The following LYNX1 variants were observed in gnomAD, a reference collection of about 807,000 sequenced individuals.
LYNX1 encodes ly-6/neurotoxin-like protein 1.
In LYNX1, 8 loss-of-function variants were observed where a neutral mutation model predicts 8.3. The observed-to-expected ratio is 0.97, with a 90% CI of 0.57 to 1.74. The LOEUF (loss-of-function observed/expected upper bound fraction) is 1.74. LYNX1 is among the 40% of genes most tolerant of loss of function. The probability of loss-of-function intolerance (pLI) is 0.00; values close to 1 mark genes in which losing one functional copy is unlikely to be tolerated. For missense variants in LYNX1, 158 were observed against 159.7 expected (o/e 0.99, Z 0.06); for synonymous variants, 73 against 67.9 (o/e 1.08, Z -0.37).
In LYNX1 at chr8:142,775,047, C is replaced by T. The variant is rs2130112534; in HGVS notation, c.*120G>A. 1.4e-6 allele frequency: 2 copies of T among 1,477,082 alleles called. No homozygotes were observed. Among genetic ancestry groups the T allele is most frequent in the East Asian group, 2.5e-5 (1 of 40,680 alleles). The allele number at this position is 1,477,082 out of a possible 1,614,324, so 91.5% of individuals were successfully genotyped here. On this transcript the variant is annotated 3_prime_UTR_variant, in exon 4 of 4. Transcript: ENST00000652477. Reference sequence around the variant, plus strand: ...GGTGTCTTCTTGCCCACAGTCCTGACCCTGGGCATGGCTGAGGAGGTCGCA... The same window carrying T: ...GGTGTCTTCTTGCCCACAGTCCTGATCCTGGGCATGGCTGAGGAGGTCGCA...
At chr8:142,777,642 C>G (rs1047271005), upstream of LYNX1, 2 of 395,698 alleles carry the variant, frequency 5.1e-6, no homozygotes, top group Admixed American at 4.4e-5. Flanking sequence ...GGCCCGGACC[C>G]GTCCCCGGAC....
chr8:142,774,229 C>T lies in LYNX1; in HGVS notation c.*938G>A, dbSNP rs1815306293. 10 of 984,974 alleles carry T rather than the reference C, an allele frequency of 1.0e-5. No homozygotes were observed. The South Asian group carries it at 1.9e-4, about 19-fold the overall frequency. 61.0% of individuals were successfully genotyped at this position (984,974 alleles called of 1,614,324 possible). ...CTCCGCCTTCCCACGCCCAGGCCCG[C>T]GCCGGCCCCAGGCTGCTCCCAACCC... On this transcript the variant is annotated 3_prime_UTR_variant, in exon 4 of 4. Coordinates refer to ENST00000652477, the MANE Select transcript of LYNX1 (RefSeq NM_177477.4).
chr8:142,776,000 G>C lies in LYNX1; in HGVS notation c.-43C>G. 6.2e-7 allele frequency: 1 copy of C among 1,609,660 alleles called. No homozygotes were observed. Among genetic ancestry groups the C allele is most frequent in the Non-Finnish European group, 8.5e-7 (1 of 1,177,572 alleles). On this transcript the variant is annotated 5_prime_UTR_variant, in exon 2 of 4. Transcript: ENST00000652477. ...CAGCGTGGGAGTGGGGAGGTCAACA[G>C]CAGCTAGCCCTGGATCCAACTCAGG...
rs199854952 is a variant in LYNX1 at position 142,771,956 on chromosome 8, C to T, written c.*3211G>A. ...CCAGGTCCCACCCCAGGGTCACTTC[C>T]TGTAGCTCCGACTTCTCTAGTGGCT... On this transcript the variant is annotated 3_prime_UTR_variant, in exon 4 of 4. Transcript: ENST00000652477. 4,227 of 986,144 alleles carry T rather than the reference C, an allele frequency of 4.3e-3. 8 individuals are homozygous for T. Among genetic ancestry groups the T allele is most frequent in the Non-Finnish European group, 4.9e-3 (4,083 of 830,126 alleles). 61.1% of individuals were successfully genotyped at this position (986,144 alleles called of 1,614,324 possible).
In LYNX1 at chr8:142,773,745, C is replaced by G. The variant is rs1209879002; in HGVS notation, c.*1422G>C. 1.0e-6 allele frequency: 1 copy of G among 985,340 alleles called. No individual in the cohort carries two copies. Among genetic ancestry groups the G allele is most frequent in the Non-Finnish European group, 1.2e-6 (1 of 829,920 alleles). The allele number at this position is 985,340 out of a possible 1,614,324, so 61.0% of individuals were successfully genotyped here. The stretch of plus-strand genomic sequence containing the variant: ...AATTTCCAGCAGGGGCTCCCCTGAC[C>G]AGGGCCATACTTTGGGGCCGGGACA... On this transcript the variant is annotated 3_prime_UTR_variant, in exon 4 of 4. Transcript: ENST00000652477.
rs923755458 is a variant in LYNX1, at chr8:142,772,967, G to C, written c.*2200C>G. The C allele has an allele frequency of 1.0e-6, 1 of 985,616 alleles. No homozygotes were observed. Among genetic ancestry groups the C allele is most frequent in the Non-Finnish European group, 1.2e-6 (1 of 830,158 alleles). 61.1% of individuals were successfully genotyped at this position (985,616 alleles called of 1,614,324 possible). A position where few individuals can be genotyped will look rare whatever the true frequency, so the allele number is the denominator to read the frequency against. ...CACCACAGCACTTCCAGCTCCAGCA[G>C]GTCCTTGTTCTCAGCTGCCCCTGAG... is the stretch of plus-strand genomic sequence containing the variant. On this transcript the variant is annotated 3_prime_UTR_variant, in exon 4 of 4. Coordinates refer to ENST00000652477, the MANE Select transcript of LYNX1 (RefSeq NM_177477.4).
At chr8:142,775,407 AGGAG>A (rs1815371624) in intron 3 of LYNX1, 44 bp from the exon 4 acceptor site, 2 of 1,602,726 alleles carry the variant, frequency 1.2e-6, no homozygotes, top group African/African-American at 1.3e-5. Flanking sequence ...TAAGAGGGGC[AGGAG>A]ACCCAGCTGG....
chr8:142,774,516 G>A lies in LYNX1; in HGVS notation c.*651C>T. 3 of 985,862 alleles carry A rather than the reference G, an allele frequency of 3.0e-6. No individual in the cohort carries two copies. The highest frequency in any genetic ancestry group is 3.6e-6 in the Non-Finnish European group (3 of 830,258). 61.1% of individuals were successfully genotyped at this position (985,862 alleles called of 1,614,324 possible). A position where few individuals can be genotyped will look rare whatever the true frequency, so the allele number is the denominator to read the frequency against. ...CTGAGAGGACACACACCCCTTGCTGGACCCGAAAAAGCTTCTGTGACTTCG... is the reference window on the plus strand; with the variant it reads ...CTGAGAGGACACACACCCCTTGCTGAACCCGAAAAAGCTTCTGTGACTTCG... On this transcript the variant is annotated 3_prime_UTR_variant, in exon 4 of 4. Coordinates refer to ENST00000652477, the MANE Select transcript of LYNX1 (RefSeq NM_177477.4).
rs587701858 is a variant in LYNX1, at chr8:142,773,897, A to G, written c.*1270T>C. The G allele has an allele frequency of 9.0e-5, 89 of 985,388 alleles. No homozygotes were observed. In the African/African-American group the frequency reaches 1.5e-3, roughly 17 times the overall value. 61.0% of individuals were successfully genotyped at this position (985,388 alleles called of 1,614,324 possible). Reference sequence around the variant, plus strand: ...GTGCAGCGTGACCGCTGGCACCAAAAGGTCTCACGCCCCCGAATGCCCCAT... The same window carrying G: ...GTGCAGCGTGACCGCTGGCACCAAAGGGTCTCACGCCCCCGAATGCCCCAT... On this transcript the variant is annotated 3_prime_UTR_variant, in exon 4 of 4. Coordinates refer to ENST00000652477, the MANE Select transcript of LYNX1 (RefSeq NM_177477.4).
chr8:142,771,649 G>A lies in LYNX1; in HGVS notation c.*3518C>T, dbSNP rs964339774. The A allele has an allele frequency of 1.0e-6, 1 of 985,836 alleles. No homozygotes were observed. The highest frequency in any genetic ancestry group is 1.2e-6 in the Non-Finnish European group (1 of 829,960). The allele number at this position is 985,836 out of a possible 1,614,324, so 61.1% of individuals were successfully genotyped here. On this transcript the variant is annotated 3_prime_UTR_variant, in exon 4 of 4. Coordinates refer to ENST00000652477, the MANE Select transcript of LYNX1 (RefSeq NM_177477.4). ...GAGAGCAGACCACCCAGAGTAGTGG[G>A]AGAAAGCACCGGCAGAAAAGCTGGC...
chr8:142,774,940 A>G lies in LYNX1; in HGVS notation c.*227T>C. On this transcript the variant is annotated 3_prime_UTR_variant, in exon 4 of 4. Coordinates refer to ENST00000652477, the MANE Select transcript of LYNX1 (RefSeq NM_177477.4). ...AGGCGAGGGGCTGATCAGCCCATCA[A>G]AGCCGGACACTTTTGGGATCCCACA... is the stretch of plus-strand genomic sequence containing the variant. The G allele has an allele frequency of 1.4e-6, 2 of 1,422,522 alleles. No homozygotes were observed. Among genetic ancestry groups the G allele is most frequent in the Non-Finnish European group, 1.8e-6 (2 of 1,092,254 alleles). 88.1% of individuals were successfully genotyped at this position (1,422,522 alleles called of 1,614,324 possible).
rs959829673 is a variant in LYNX1, at chr8:142,773,723, T to C, written c.*1444A>G. On this transcript the variant is annotated 3_prime_UTR_variant, in exon 4 of 4. Coordinates refer to ENST00000652477, the MANE Select transcript of LYNX1 (RefSeq NM_177477.4). ...TGCATCAAAGCTCTGGAGATGCAAT[T>C]TCCAGCAGGGGCTCCCCTGACCAGG... 4.1e-6 allele frequency: 4 copies of C among 984,976 alleles called. No individual in the cohort carries two copies. The highest frequency in any genetic ancestry group is 1.2e-4 in the Admixed American group (2 of 16,260). 61.0% of individuals were successfully genotyped at this position (984,976 alleles called of 1,614,324 possible).
chr8:142,774,818 C>G lies in LYNX1; in HGVS notation c.*349G>C, dbSNP rs1326659439. The G allele has an allele frequency of 1.8e-6, 2 of 1,137,252 alleles. No individual in the cohort carries two copies. The highest frequency in any genetic ancestry group is 1.6e-5 in the African/African-American group (1 of 62,938). The allele number at this position is 1,137,252 out of a possible 1,614,324, so 70.4% of individuals were successfully genotyped here. A position where few individuals can be genotyped will look rare whatever the true frequency, so the allele number is the denominator to read the frequency against. ...ACCAGGGGCAGACTGAGGCAGGGGC[C>G]TCTCCTAGGGCTTCCCAGAAGGTGG... On this transcript the variant is annotated 3_prime_UTR_variant, in exon 4 of 4. Transcript: ENST00000652477.
At position 142,775,059 on chromosome 8, in the gene LYNX1, C is replaced by T; in HGVS notation, c.*108G>A. On this transcript the variant is annotated 3_prime_UTR_variant, in exon 4 of 4. Coordinates refer to ENST00000652477, the MANE Select transcript of LYNX1 (RefSeq NM_177477.4). ...CCCACAGTCCTGACCCTGGGCATGG[C>T]TGAGGAGGTCGCAGGGAGTGTGGAG... 2 of 1,485,660 alleles carry T rather than the reference C, an allele frequency of 1.3e-6. No homozygotes were observed. The highest frequency in any genetic ancestry group is 1.3e-5 in the South Asian group (1 of 74,550). 92.0% of individuals were successfully genotyped at this position (1,485,660 alleles called of 1,614,324 possible).
At position 142,773,328 on chromosome 8, in the gene LYNX1, G is replaced by A; in HGVS notation, c.*1839C>T. On this transcript the variant is annotated 3_prime_UTR_variant, in exon 4 of 4. Transcript: ENST00000652477. ...ACCCCGGGCCGGTCCTGCTCTCCAG[G>A]CTTAGGGCTACAGCCACAACCACTG... 1 of 985,616 alleles carries A rather than the reference G, an allele frequency of 1.0e-6. No homozygotes were observed. Among genetic ancestry groups the A allele is most frequent in the Non-Finnish European group, 1.2e-6 (1 of 830,106 alleles). 61.1% of individuals were successfully genotyped at this position (985,616 alleles called of 1,614,324 possible).
chr8:142,775,993 G>A lies in LYNX1; in HGVS notation c.-36C>T. On this transcript the variant is annotated 5_prime_UTR_variant, in exon 2 of 4. Transcript: ENST00000652477. ...AGGAGGGCAGCGTGGGAGTGGGGAG[G>A]TCAACAGCAGCTAGCCCTGGATCCA... The A allele has an allele frequency of 6.2e-7, 1 of 1,611,724 alleles. No homozygotes were observed.
At position 142,774,140 on chromosome 8, in the gene LYNX1, T is replaced by C; in HGVS notation, c.*1027A>G. ...ATCCCGCTGCGGGGGAGGGGCTGGG[T>C]CTCCGCCCTCCCCACCCCACCCTCC... On this transcript the variant is annotated 3_prime_UTR_variant, in exon 4 of 4. Transcript: ENST00000652477. The C allele has an allele frequency of 3.0e-6, 3 of 984,302 alleles. No individual in the cohort carries two copies. The highest frequency in any genetic ancestry group is 3.6e-6 in the Non-Finnish European group (3 of 829,546). 61.0% of individuals were successfully genotyped at this position (984,302 alleles called of 1,614,324 possible). A position where few individuals can be genotyped will look rare whatever the true frequency, so the allele number is the denominator to read the frequency against.
At position 142,775,196 on chromosome 8, in the gene LYNX1, G is replaced by A; in HGVS notation, c.322C>T (p.Leu108Phe). 1 of 1,612,736 alleles carries A rather than the reference G, an allele frequency of 6.2e-7. No individual in the cohort carries two copies. The highest frequency in any genetic ancestry group is 8.5e-7 in the Non-Finnish European group (1 of 1,179,548). Residue 108 changes from leucine to phenylalanine, a missense_variant, in exon 4 of 4, where the codon CTC becomes TTC. By Grantham distance (22) the Leu-to-Phe change is conservative. Coordinates refer to ENST00000652477, the MANE Select transcript of LYNX1 (RefSeq NM_177477.4). The stretch of plus-strand genomic sequence containing the variant: ...AGGAGACCCCAGAGGGTGGCCAGGA[G>A]GATGGGGGCCAGGGCCAGGGTGGCC... The part of the protein sequence containing the change: ...TPATLALAPI[L>F]LATLWGLL
chr8:142,775,834 C>T (rs1044658470), intron 2 of LYNX1, 72 bp downstream of exon 2: 8 of 1,597,532 alleles, frequency 5.0e-6, no homozygotes, highest in Non-Finnish European at 3.4e-6. Context: ...GAATTCTAGC[C>T]TCCTTCCCTA....
Sources: gnomAD v4.1 joint callset for allele counts on GRCh38, gnomAD v4.1.1 for gene constraint, MANE v1.5 for transcripts, NCBI Gene and HGNC (gene_info 2026-07-23, HGNC 2026-07-21) for gene names.